PML: variants seen among roughly 807,000 people sequenced by gnomAD.
PML encodes PML nuclear body scaffold.
PML carries 28 observed loss-of-function variants against 65.2 expected under a neutral mutation model. That is an observed-to-expected ratio of 0.43 (90% CI 0.32 to 0.59). The LOEUF (loss-of-function observed/expected upper bound fraction) is 0.59, where lower values mean the gene tolerates loss of function less well. Ranked by LOEUF, PML falls within the 20% of genes least tolerant of loss-of-function variation. PML has a pLI of 0.08. For missense variants in PML, 1,021 were observed against 1,203.4 expected (o/e 0.85, Z 2.24); for synonymous variants, 500 against 508.8 (o/e 0.98, Z 0.23).
Position 74,042,717 on chromosome 15 carries a change from A to G in PML, c.1711-272A>G. ...TTAGCACTTGGATTCATTCCCACAC[A>G]TGCACGTTCACAACCTGTGTGTGTC... On this transcript the variant is annotated intron_variant, in intron 7 of 8. Transcript: ENST00000268058. This position sits in a 1 kb window ranked among gnomAD's most constrained non-coding sequence, Gnocchi z 5.3. 1.0e-6 allele frequency: 1 copy of G among 985,328 alleles called. No individual in the cohort carries two copies. The highest frequency in any genetic ancestry group is 1.2e-6 in the Non-Finnish European group (1 of 829,908). 61.0% of individuals were successfully genotyped at this position (985,328 alleles called of 1,614,324 possible).
chr15:74,011,197 A>AG (rs2070317987), intron 2 of PML, among the ~76,000 whole-genome samples: 3 of 152,190 alleles, frequency 2.0e-5, no homozygotes, highest in Non-Finnish European at 4.4e-5. Flanking sequence ...CCCAAATTCA[A>AG]GGGGAAAAGA....
chr15:74,033,524 C>G lies in PML; in HGVS notation c.1657+110C>G, dbSNP rs28431844. The G allele has an allele frequency of 2.7e-6, 3 of 1,124,004 alleles. No individual in the cohort carries two copies. In the African/African-American group the frequency reaches 4.6e-5, roughly 17 times the overall value. The allele number at this position is 1,124,004 out of a possible 1,614,324, so 69.6% of individuals were successfully genotyped here. The stretch of plus-strand genomic sequence containing the variant: ...GAAAGCCCAAAGCCAACAGGAGTCC[C>G]TTATTCCCACTGAATAAGATAGGGA... On this transcript the variant is annotated intron_variant, in intron 6 of 8. Coordinates refer to ENST00000268058, the MANE Select transcript of PML (RefSeq NM_033238.3).
At position 73,998,431 on chromosome 15, in the gene PML, A is replaced by T. The variant is rs996506100; in HGVS notation, c.557A>T (p.Asn186Ile). 6 of 1,613,900 alleles carry T rather than the reference A, an allele frequency of 3.7e-6. No individual in the cohort carries two copies. Among genetic ancestry groups the T allele is most frequent in the Non-Finnish European group, 4.2e-6 (5 of 1,179,930 alleles). ...CTGGACGGCACCCGCAAGACCAACA[A>T]CATCTTCTGCTCCAACCCCAACCAC... ...EFLDGTRKTN[N>I]IFCSNPNHRT... The change falls in exon 2 of 9, where the codon AAC becomes ATC. Residue 186 changes from asparagine (N) to isoleucine (I), a missense_variant. Transcript: ENST00000268058.
intron 4 of PML, chr15:74,031,414 C>A: frequency 7.1e-6 from 2 of 283,112 alleles, no homozygotes; most frequent in South Asian, 3.7e-5. Context: ...GCTGGGACTA[C>A]AGGTGTGCAC....
chr15:74,046,995 G>A lies in PML; in HGVS notation c.*1987G>A, dbSNP rs530723820. The A allele has an allele frequency of 4.4e-6, 1 of 229,714 alleles. No individual in the cohort carries two copies. Among genetic ancestry groups the A allele is most frequent in the South Asian group, 1.8e-4 (1 of 5,504 alleles). The allele number at this position is 229,714 out of a possible 1,614,324, so 14.2% of individuals were successfully genotyped here. Reference sequence around the variant, plus strand: ...TGAATCCCCCCACATGACAAGTGGGGAGACCCAGGGTAGGCTTTCCTTTGG... The same window carrying A: ...TGAATCCCCCCACATGACAAGTGGGAAGACCCAGGGTAGGCTTTCCTTTGG... On this transcript the variant is annotated 3_prime_UTR_variant, in exon 9 of 9. Transcript: ENST00000268058.
intron 7 of PML, chr15:74,036,274 C>T (rs1018388792): frequency 1.4e-5 from 21 of 1,477,370 alleles, no homozygotes; most frequent in Admixed American, 2.1e-5. Flanking sequence ...TTCCATGCCC[C>T]GACCCCCACC....
At chr15:74,016,384 A>T (rs2070575063) in intron 2 of PML, among the ~76,000 whole-genome samples, 1 of 152,190 alleles carries the variant, frequency 6.6e-6, no homozygotes, top group Non-Finnish European at 1.5e-5. Flanking sequence ...CCTGGGCAAC[A>T]TAGCAAGACC....
chr15:73,996,770 A>G (rs1261559948), intron 1 of PML, among the ~76,000 whole-genome samples: 1 of 152,206 alleles, frequency 6.6e-6, no homozygotes, highest in East Asian at 1.9e-4. Context: ...CCTGAGCCCC[A>G]GTAATGCAAT....
chr15:74,034,779 G>C, intron 7 of PML: 1 of 1,447,562 alleles, frequency 6.9e-7, no homozygotes. Flanking sequence ...CCAGAGCCCT[G>C]TCTCTTTTCT....
intron 2 of PML, among the ~76,000 whole-genome samples, chr15:74,002,444 C>CTTTTTTTTTTTTTT (rs71137368): frequency 1.0e-3 from 107 of 104,716 alleles, no homozygotes; most frequent in Non-Finnish European, 1.3e-3. Context: ...TCTTTCTTTT[C>CTTTTTTTTTTTTTT]TTTTTTTTTT....
Position 74,035,320 on chromosome 15 carries a change from C to T in PML, c.1710+790C>T, listed in dbSNP as rs369292960. 1.2e-6 allele frequency: 2 copies of T among 1,612,786 alleles called. No individual in the cohort carries two copies. Among genetic ancestry groups the T allele is most frequent in the African/African-American group, 1.3e-5 (1 of 75,002 alleles). The stretch of plus-strand genomic sequence containing the variant: ...CTGCCCTGTGGCACATACCACCCCC[C>T]AGCTTGGCCTCCCCACCAGCCCGCT... On this transcript the variant is annotated intron_variant, in intron 7 of 8. Transcript: ENST00000268058. The surrounding 1 kb of genome is among the most constrained non-coding windows in gnomAD (Gnocchi z 4.1).
chr15:74,036,254 T>G, intron 7 of PML: 1 of 1,496,458 alleles, frequency 6.7e-7, no homozygotes, highest in Non-Finnish European at 8.9e-7. Context: ...CCCTGGCCAA[T>G]AGCACAGCCT....
chr15:74,009,615 A>G (rs575587626), intron 2 of PML, among the ~76,000 whole-genome samples: 10 of 152,054 alleles, frequency 6.6e-5, no homozygotes, highest in Non-Finnish European at 1.5e-4. Flanking sequence ...TTATTTATTT[A>G]TTTGTTTATT....
At position 73,998,484 on chromosome 15, in the gene PML, G is replaced by T. The variant is rs750773492; in HGVS notation, c.602+8G>T. 4 of 1,610,450 alleles carry T rather than the reference G, an allele frequency of 2.5e-6. No homozygotes were observed. The Admixed American group carries it at 6.7e-5, about 27-fold the overall frequency. On this transcript the variant is annotated splice_region_variant and intron_variant, in intron 2 of 8. Coordinates refer to ENST00000268058, the MANE Select transcript of PML (RefSeq NM_033238.3). The stretch of plus-strand genomic sequence containing the variant: ...CACCCCTACGCTGACCAGGTGAGTA[G>T]GCCGGCACAGGGTGGGGTGGTGCAT...
chr15:74,036,332 A>G, intron 7 of PML: 1 of 1,421,916 alleles, frequency 7.0e-7, no homozygotes, highest in Non-Finnish European at 9.2e-7. Flanking sequence ...CCATGAGCAC[A>G]GGGACTGGCT....
intron 2 of PML, among the ~76,000 whole-genome samples, chr15:74,003,080 G>A (rs1413614856): frequency 6.6e-6 from 1 of 152,066 alleles, no homozygotes; most frequent in Non-Finnish European, 1.5e-5. Flanking sequence ...GATGCAGTGA[G>A]CCATGATCAC....
intron 7 of PML, chr15:74,036,396 CCTT>C: frequency 7.4e-7 from 1 of 1,344,982 alleles, no homozygotes; most frequent in Non-Finnish European, 9.6e-7. Context: ...GAACCATCAC[CCTT>C]GCGAACCCTT....
chr15:74,030,797 T>C, intron 4 of PML, among the ~76,000 whole-genome samples: 1 of 152,150 alleles, frequency 6.6e-6, no homozygotes, highest in East Asian at 1.9e-4. Context: ...GTACGGTACC[T>C]ACTTTTTTTT....
intron 6 of PML, 170 bp downstream of exon 6, chr15:74,033,584 C>T: frequency 1.3e-6 from 1 of 773,554 alleles, no homozygotes; most frequent in Middle Eastern, 2.2e-4. Context: ...AGAGTGGACA[C>T]AGTTTACCAT....
Sources: gnomAD v4.1 joint callset for allele counts (sites outside exome capture counted in the v4.1 genomes callset) on GRCh38, gnomAD v4.1.1 for gene constraint, Gnocchi (gnomAD v3.1) non-coding constraint, MANE v1.5 for transcripts, NCBI Gene and HGNC (gene_info 2026-07-23, HGNC 2026-07-21) for gene names.